Variants in RBFOX1 observed in about 807,000 individuals in gnomAD.
RBFOX1 encodes RNA binding protein fox-1 homolog 1.
A neutral mutation model predicts 57.7 loss-of-function variants in RBFOX1; 8 were observed. That is an observed-to-expected ratio of 0.14 (90% CI 0.08 to 0.25). RBFOX1 has a LOEUF of 0.25. Among genes scored for constraint, RBFOX1 ranks in the 10% least tolerant of loss-of-function variants. The pLI is 1.00. For missense variants in RBFOX1, 611 were observed against 548.5 expected (o/e 1.11, Z -1.14); for synonymous variants, 326 against 222.4 (o/e 1.47, Z -4.15).
intron 11 of RBFOX1, among the ~76,000 whole-genome samples, chr16:7,643,675 C>G (rs1276668573): frequency 6.6e-6 from 1 of 152,164 alleles, no homozygotes; most frequent in African/African-American, 2.4e-5. Flanking sequence ...ACACAACCTC[C>G]CCCTCACATC....
chr16:5,400,666 AT>A (rs145014186), intron 1 of RBFOX1, among the ~76,000 whole-genome samples: 4,122 of 150,030 alleles, frequency 0.027, 197 homozygotes, highest in African/African-American at 0.095. Context: ...GGCATGATTG[AT>A]TTTTTTTTTC....
Position 6,330,168 on chromosome 16 carries a change from A to G in RBFOX1, c.-64+13111A>G, listed in dbSNP as rs536551760. ...ACTTAGTATGCAAATATTCTAATAA[A>G]AAAGTCATAAGGATAGGGAAGTAAA... On this transcript the variant is annotated intron_variant, in intron 2 of 15. Transcript: ENST00000550418. 2.7e-3 allele frequency among the ~76,000 whole-genome samples: 408 copies of G among 152,316 alleles called. 3 individuals carry two copies. The highest frequency in any genetic ancestry group is 9.5e-3 in the African/African-American group (396 of 41,562).
intron 13 of RBFOX1, among the ~76,000 whole-genome samples, chr16:7,669,015 C>T (rs1461356526): frequency 6.6e-6 from 1 of 152,208 alleles, no homozygotes; most frequent in Non-Finnish European, 1.5e-5. Context: ...AGGGACTCTT[C>T]AACCTCAGCC....
chr16:6,195,704 G>A (rs1259513903), intron 1 of RBFOX1, among the ~76,000 whole-genome samples: 2 of 151,754 alleles, frequency 1.3e-5, no homozygotes, highest in Non-Finnish European at 2.9e-5. Context: ...GGGAAACAAG[G>A]GAGAAACTCT....
At chr16:6,857,070 GTCTT>G (rs1189110164) in intron 3 of RBFOX1, among the ~76,000 whole-genome samples, 1 of 152,080 alleles carries the variant, frequency 6.6e-6, no homozygotes, top group African/African-American at 2.4e-5. Context: ...CTGGCTGGTT[GTCTT>G]TCTTATTTGT....
At chr16:6,053,953 G>T (rs188072779) in intron 1 of RBFOX1, among the ~76,000 whole-genome samples, 136 of 152,294 alleles carry the variant, frequency 8.9e-4, no homozygotes, top group African/African-American at 3.0e-3. Context: ...CTACTCAGGA[G>T]GCTCAGGTGG....
chr16:5,466,621 A>T (rs2068962134), intron 1 of RBFOX1, among the ~76,000 whole-genome samples: 1 of 152,192 alleles, frequency 6.6e-6, no homozygotes, highest in Admixed American at 6.5e-5. Context: ...TATTGCTTAG[A>T]AAAACACCTG....
chr16:5,546,014 A>G (rs2045187473), intron 2 of RBFOX1, among the ~76,000 whole-genome samples: 1 of 152,198 alleles, frequency 6.6e-6, no homozygotes, highest in Non-Finnish European at 1.5e-5. Flanking sequence ...AAGCCATTGT[A>G]TTTCTATATA....
chr16:6,968,105 G>C (rs1206558537), intron 3 of RBFOX1, among the ~76,000 whole-genome samples: 2 of 152,094 alleles, frequency 1.3e-5, no homozygotes, highest in African/African-American at 2.4e-5. Context: ...TGGATCTGTG[G>C]CTCTGAACTT....
chr16:6,632,840 T>G (rs557353674), intron 2 of RBFOX1, among the ~76,000 whole-genome samples: 1 of 152,350 alleles, frequency 6.6e-6, no homozygotes, highest in South Asian at 2.1e-4. Context: ...AGCTGCTCTC[T>G]TTTCTTAAAA....
At position 7,166,721 on chromosome 16, in the gene RBFOX1, G is replaced by A. The variant is rs145038529; in HGVS notation, c.27+114623G>A. Reference sequence around the variant, plus strand: ...CCGATGCACTAGGATGACTCTAACCGGCATGTCAAGGCAGACTTCAGCAGC... The same window carrying A: ...CCGATGCACTAGGATGACTCTAACCAGCATGTCAAGGCAGACTTCAGCAGC... On this transcript the variant is annotated intron_variant, in intron 4 of 15. Transcript: ENST00000550418. Among the ~76,000 whole-genome samples, 35 of 152,112 alleles carry A rather than the reference G, an allele frequency of 2.3e-4. No homozygotes were observed. The East Asian group carries it at 5.6e-3, about 25-fold the overall frequency.
chr16:6,456,130 T>G (rs1258118185), intron 2 of RBFOX1, among the ~76,000 whole-genome samples: 1 of 152,250 alleles, frequency 6.6e-6, no homozygotes, highest in African/African-American at 2.4e-5. Flanking sequence ...ACTCTGTTGC[T>G]GGGGTTTTGA....
chr16:5,970,396 CT>C (rs1373977679), intron 4 of RBFOX1, among the ~76,000 whole-genome samples: 4 of 152,022 alleles, frequency 2.6e-5, no homozygotes, highest in Admixed American at 2.6e-4. Context: ...GGGTGAGTGG[CT>C]TGCTTATGGT....
intron 3 of RBFOX1, among the ~76,000 whole-genome samples, chr16:6,814,375 A>G (rs183582077): frequency 6.6e-5 from 10 of 152,186 alleles, no homozygotes; most frequent in South Asian, 6.2e-4. Context: ...TCTTTCTGAC[A>G]TTGTTTTCCA....
At chr16:5,769,539 T>A (rs1286188114) in intron 3 of RBFOX1, among the ~76,000 whole-genome samples, 2 of 150,348 alleles carry the variant, frequency 1.3e-5, no homozygotes, top group African/African-American at 4.9e-5. Flanking sequence ...TGTAATCCCA[T>A]CTACTTGGGA....
intron 4 of RBFOX1, among the ~76,000 whole-genome samples, chr16:7,129,354 C>T (rs1278603715): frequency 7.9e-5 from 12 of 152,080 alleles, no homozygotes; most frequent in Admixed American, 7.9e-4. Context: ...GTACAGGAGT[C>T]AGCCCTACCT....
intron 3 of RBFOX1, among the ~76,000 whole-genome samples, chr16:6,710,466 G>A (rs534350793): frequency 3.7e-4 from 57 of 152,096 alleles, no homozygotes; most frequent in Non-Finnish European, 6.9e-4. Flanking sequence ...TTTATTGTGC[G>A]TTTCATGCTG....
intron 2 of RBFOX1, among the ~76,000 whole-genome samples, chr16:6,609,799 A>C (rs2098013922): frequency 6.6e-6 from 1 of 152,012 alleles, no homozygotes; most frequent in South Asian, 2.1e-4. Flanking sequence ...TACAAGGTCA[A>C]AAGGTCAAGA....
intron 2 of RBFOX1, among the ~76,000 whole-genome samples, chr16:6,459,751 C>A (rs146213915): frequency 6.6e-6 from 1 of 151,728 alleles, no homozygotes; most frequent in Non-Finnish European, 1.5e-5. Flanking sequence ...CTGAGGTGGG[C>A]GGATCACCTG....
Sources: allele counts gnomAD v4.1 joint callset (sites outside exome capture counted in the v4.1 genomes callset), GRCh38; gene constraint gnomAD v4.1.1; transcripts MANE v1.5; gene names NCBI Gene and HGNC (gene_info 2026-07-23, HGNC 2026-07-21).